Variants in PPARGC1A observed in about 807,000 individuals in gnomAD.
The protein encoded by PPARGC1A is PPARG coactivator 1 alpha.
Under a neutral mutation model 88.7 loss-of-function variants are expected in PPARGC1A, and 25 were observed. The observed-to-expected ratio is 0.28, with a 90% CI of 0.21 to 0.39. PPARGC1A has a LOEUF of 0.39. Ranked by LOEUF, PPARGC1A falls within the 10% of genes least tolerant of loss-of-function variation. The probability of loss-of-function intolerance (pLI) is 1.00; values close to 1 mark genes in which losing one functional copy is unlikely to be tolerated. For synonymous variants in PPARGC1A, 363 were observed against 355.6 expected, an observed-to-expected ratio of 1.02 and a Z score of -0.24; for missense variants, 880 against 968.7, an observed-to-expected ratio of 0.91 and a Z score of 1.22.
chr4:24,465,297 C>T, the PPARGC1A span, among the ~76,000 whole-genome samples: 1 of 152,168 alleles, frequency 6.6e-6, no homozygotes, highest in Non-Finnish European at 1.5e-5. Flanking sequence ...TAATGTAATA[C>T]CACCTAATGG....
chr4:24,414,052 C>T, the PPARGC1A span, among the ~76,000 whole-genome samples: 1 of 152,166 alleles, frequency 6.6e-6, no homozygotes, highest in African/African-American at 2.4e-5. Context: ...TCTGAAACCA[C>T]CATGAGACAC....
intron 5 of PPARGC1A, among the ~76,000 whole-genome samples, chr4:23,826,873 A>G (rs1001429879): frequency 3.9e-5 from 6 of 152,112 alleles, no homozygotes; most frequent in East Asian, 1.9e-4. Flanking sequence ...AGAAAAAAAA[A>G]ACAACTTTAA....
the PPARGC1A span, among the ~76,000 whole-genome samples, chr4:24,279,157 C>G: frequency 1.3e-5 from 2 of 152,134 alleles, no homozygotes; most frequent in African/African-American, 4.8e-5. Context: ...GGTACAAAAA[C>G]ACATTCCACT....
At chr4:24,195,232 C>T in the PPARGC1A span, among the ~76,000 whole-genome samples, 2 of 152,154 alleles carry the variant, frequency 1.3e-5, no homozygotes, top group Non-Finnish European at 2.9e-5. Flanking sequence ...GCTTAGCTTT[C>T]TTACCTGTAA....
At chr4:24,033,520 T>A in the PPARGC1A span, among the ~76,000 whole-genome samples, 1 of 152,080 alleles carries the variant, frequency 6.6e-6, no homozygotes, top group Admixed American at 6.6e-5. Flanking sequence ...GGGAAAATAA[T>A]CTTCTCCTGC....
At chr4:24,460,315 G>A in the PPARGC1A span, among the ~76,000 whole-genome samples, 1 of 152,034 alleles carries the variant, frequency 6.6e-6, no homozygotes, top group Non-Finnish European at 1.5e-5. Flanking sequence ...TTCAGCCGGC[G>A]AACTGTTCTT....
the PPARGC1A span, among the ~76,000 whole-genome samples, chr4:24,153,917 A>T: frequency 6.6e-6 from 1 of 152,198 alleles, no homozygotes; most frequent in Non-Finnish European, 1.5e-5. Flanking sequence ...AGGGGAAAAA[A>T]CAAAAAGGTA....
chr4:23,814,156 GCTT>G lies in PPARGC1A; in HGVS notation c.1324_1326del (p.Lys442del). 1.2e-6 allele frequency: 2 copies of G among 1,614,046 alleles called. No homozygotes were observed. Among genetic ancestry groups the G allele is most frequent in the Non-Finnish European group, 1.7e-6 (2 of 1,179,966 alleles). The stretch of plus-strand genomic sequence containing the variant: ...TTTCTTGTGCTGCAAGGAGAGACCT[GCTT>G]GCTTGCCTCCAAAGTCTCTCTCAGG... On this transcript the variant is annotated inframe_deletion, in exon 8 of 13. Coordinates refer to ENST00000264867, the MANE Select transcript of PPARGC1A (RefSeq NM_013261.5).
the PPARGC1A span, among the ~76,000 whole-genome samples, chr4:24,333,469 CT>C: frequency 2.0e-5 from 3 of 152,238 alleles, no homozygotes; most frequent in African/African-American, 7.2e-5. Flanking sequence ...TAATTCTTCA[CT>C]CGTTTTTATT....
chr4:24,162,094 C>T, the PPARGC1A span, among the ~76,000 whole-genome samples: 1 of 151,772 alleles, frequency 6.6e-6, no homozygotes, highest in Non-Finnish European at 1.5e-5. Context: ...GACCATTATT[C>T]TAAGTGAAGT....
chr4:24,460,832 A>C, the PPARGC1A span, among the ~76,000 whole-genome samples: 1 of 152,318 alleles, frequency 6.6e-6, no homozygotes, highest in South Asian at 2.1e-4. Flanking sequence ...AATCCACAAA[A>C]AGTTTGGTAA....
At chr4:24,106,658 G>A in the PPARGC1A span, among the ~76,000 whole-genome samples, 2 of 152,154 alleles carry the variant, frequency 1.3e-5, no homozygotes, top group Admixed American at 6.5e-5. Flanking sequence ...CACCATATGA[G>A]GTAGTTTAGT....
chr4:24,327,651 C>A, the PPARGC1A span, among the ~76,000 whole-genome samples: 113 of 151,956 alleles, frequency 7.4e-4, 1 homozygote, highest in African/African-American at 2.6e-3. Flanking sequence ...CAAGATCTCC[C>A]TTCAGCTTAA....
the PPARGC1A span, among the ~76,000 whole-genome samples, chr4:24,227,082 CTTTT>C: frequency 3.4e-5 from 5 of 146,402 alleles, no homozygotes; most frequent in African/African-American, 1.0e-4. Flanking sequence ...TCTAACACTT[CTTTT>C]TTTTTTTTCT....
the PPARGC1A span, among the ~76,000 whole-genome samples, chr4:24,331,093 G>A: frequency 1.3e-5 from 2 of 151,938 alleles, no homozygotes; most frequent in Middle Eastern, 3.2e-3. Context: ...ACAACTATAC[G>A]TTATCTCCTT....
chr4:24,470,300 A>ACACC, the PPARGC1A span, among the ~76,000 whole-genome samples: 1 of 145,896 alleles, frequency 6.9e-6, no homozygotes, highest in Non-Finnish European at 1.5e-5. The surrounding 1 kb of genome is among the most constrained non-coding windows in gnomAD (Gnocchi z 5.8). Flanking sequence ...ACACACACAC[A>ACACC]CACACACACA....
At chr4:24,334,470 C>T in the PPARGC1A span, among the ~76,000 whole-genome samples, 4 of 152,168 alleles carry the variant, frequency 2.6e-5, no homozygotes, top group African/African-American at 7.2e-5. Context: ...AGAAGTGCTC[C>T]GCAAAGTCAA....
the PPARGC1A span, among the ~76,000 whole-genome samples, chr4:24,151,124 C>G: frequency 1.3e-5 from 2 of 152,216 alleles, no homozygotes; most frequent in African/African-American, 4.8e-5. Flanking sequence ...CCAGCCAGCA[C>G]CTTTTGCATT....
the PPARGC1A span, among the ~76,000 whole-genome samples, chr4:24,387,651 T>G: frequency 6.6e-6 from 1 of 151,300 alleles, no homozygotes; most frequent in Non-Finnish European, 1.5e-5. Context: ...GCAGGAGAAT[T>G]GCTTGAACCC....
Sources: allele counts gnomAD v4.1 joint callset (sites outside exome capture counted in the v4.1 genomes callset), GRCh38; gene constraint gnomAD v4.1.1; non-coding constraint Gnocchi (gnomAD v3.1); transcripts MANE v1.5; gene names NCBI Gene and HGNC (gene_info 2026-07-23, HGNC 2026-07-21).